Variants in GRIK2 observed in about 807,000 individuals in gnomAD.
GRIK2 encodes the protein glutamate receptor ionotropic, kainate 2.
GRIK2 carries 32 observed loss-of-function variants against 100.3 expected under a neutral mutation model. The observed-to-expected ratio is 0.32, with a 90% CI of 0.24 to 0.43. The LOEUF is 0.43. Among genes scored for constraint, GRIK2 ranks in the 20% least tolerant of loss-of-function variants. GRIK2 has a pLI of 1.00. For synonymous variants in GRIK2, 417 were observed against 389.4 expected, an observed-to-expected ratio of 1.07 and a Z score of -0.83; for missense variants, 843 against 1,114.9, an observed-to-expected ratio of 0.76 and a Z score of 3.47.
At chr6:101,675,081 A>G (rs1194097371) in intron 4 of GRIK2, among the ~76,000 whole-genome samples, 1 of 152,106 alleles carries the variant, frequency 6.6e-6, no homozygotes, top group African/African-American at 2.4e-5. Flanking sequence ...ATTGTTAACT[A>G]TAGTAATCCT....
chr6:102,065,401 G>A (rs1282807257), intron 16 of GRIK2, among the ~76,000 whole-genome samples: 1 of 151,222 alleles, frequency 6.6e-6, no homozygotes, highest in African/African-American at 2.4e-5. Context: ...TTTGTAGTCT[G>A]AAGTAAGTAT....
chr6:101,728,562 G>A (rs963632570), intron 7 of GRIK2, among the ~76,000 whole-genome samples: 1 of 151,956 alleles, frequency 6.6e-6, no homozygotes, highest in South Asian at 2.1e-4. Flanking sequence ...AAAACCAGAT[G>A]GTTTTAAATT....
At chr6:101,727,454 A>G (rs1774950116) in intron 7 of GRIK2, among the ~76,000 whole-genome samples, 1 of 152,100 alleles carries the variant, frequency 6.6e-6, no homozygotes, top group Non-Finnish European at 1.5e-5. Context: ...AAGTCTGCAA[A>G]GACTCCATGT....
At chr6:101,488,546 C>T (rs575799862) in intron 2 of GRIK2, among the ~76,000 whole-genome samples, 2 of 146,290 alleles carry the variant, frequency 1.4e-5, no homozygotes, top group East Asian at 1.9e-4. Flanking sequence ...GGAATTGTTC[C>T]AGTTAATATA....
Position 101,686,277 on chromosome 6 carries a change from T to C in GRIK2, c.875T>C (p.Ile292Thr), listed in dbSNP as rs1771693756. Residue 292 changes from isoleucine (I) to threonine (T), a missense_variant, in exon 7 of 17, where the codon ATC (isoleucine) becomes ACC (threonine). By Grantham distance (89) the Ile-to-Thr change is moderately conservative. Coordinates refer to ENST00000369134, the MANE Select transcript of GRIK2 (RefSeq NM_021956.5). The part of the protein sequence containing the change: ...LNTENTQVSS[I>T]IEKWSMERLQ... ...ACAGAAAATACCCAAGTCTCCTCCATCATTGAAAAGTGGTCGATGGAACGA... is the reference window on the plus strand; with the variant it reads ...ACAGAAAATACCCAAGTCTCCTCCACCATTGAAAAGTGGTCGATGGAACGA... The C allele has an allele frequency of 1.2e-6, 2 of 1,613,168 alleles. No homozygotes were observed. The highest frequency in any genetic ancestry group is 2.7e-5 in the African/African-American group (2 of 74,876).
intron 14 of GRIK2, among the ~76,000 whole-genome samples, chr6:102,001,660 G>T (rs946281708): frequency 6.6e-6 from 1 of 152,026 alleles, no homozygotes; most frequent in Non-Finnish European, 1.5e-5. Flanking sequence ...TTAAGTGGAA[G>T]TTGAAGTACT....
intron 11 of GRIK2, among the ~76,000 whole-genome samples, chr6:101,879,049 T>G (rs889524392): frequency 6.6e-6 from 1 of 152,054 alleles, no homozygotes; most frequent in African/African-American, 2.4e-5. Flanking sequence ...TACCACGTGG[T>G]GTGCTTTTAC....
In GRIK2 at chr6:101,832,276, T is replaced by C. The variant is rs371589967; in HGVS notation, c.1317+13793T>C. Among the ~76,000 whole-genome samples the C allele has an allele frequency of 7.9e-5, 12 of 152,264 alleles. No homozygotes were observed. The East Asian group carries it at 2.1e-3, about 27-fold the overall frequency. On this transcript the variant is annotated intron_variant, in intron 10 of 16. Coordinates refer to ENST00000369134, the MANE Select transcript of GRIK2 (RefSeq NM_021956.5). ...ACTCTTTTAAAAATTGTTTTACAGTTATAAGACTCACAATTTTAGTCACGC... is the reference window on the plus strand; with the variant it reads ...ACTCTTTTAAAAATTGTTTTACAGTCATAAGACTCACAATTTTAGTCACGC...
At chr6:101,629,086 A>G (rs905231427) in intron 4 of GRIK2, among the ~76,000 whole-genome samples, 1 of 152,070 alleles carries the variant, frequency 6.6e-6, no homozygotes, top group Non-Finnish European at 1.5e-5. Context: ...CATTGAGGCA[A>G]ATATAAATAG....
intron 7 of GRIK2, among the ~76,000 whole-genome samples, chr6:101,727,744 G>A (rs1440227026): frequency 6.6e-6 from 1 of 151,910 alleles, no homozygotes; most frequent in Admixed American, 6.6e-5. Context: ...GAGAAGAGGT[G>A]ATAATGTGAA....
intron 14 of GRIK2, among the ~76,000 whole-genome samples, chr6:102,011,528 T>C (rs1795530759): frequency 6.6e-6 from 1 of 151,686 alleles, no homozygotes; most frequent in South Asian, 2.1e-4. Context: ...GTTTTAAATT[T>C]TAACGAAGTC....
chr6:101,739,418 G>A (rs1448494868), intron 7 of GRIK2, among the ~76,000 whole-genome samples: 1 of 152,126 alleles, frequency 6.6e-6, no homozygotes, highest in African/African-American at 2.4e-5. Flanking sequence ...GGGAAATGCT[G>A]TGACACTGTG....
intron 12 of GRIK2, among the ~76,000 whole-genome samples, chr6:101,899,467 T>C (rs1787699670): frequency 6.6e-6 from 1 of 152,110 alleles, no homozygotes; most frequent in African/African-American, 2.4e-5. Flanking sequence ...TTTTTCTATT[T>C]TATTTAATGA....
intron 7 of GRIK2, among the ~76,000 whole-genome samples, chr6:101,779,606 C>A (rs183243161): frequency 1.6e-4 from 24 of 152,182 alleles, no homozygotes; most frequent in Non-Finnish European, 3.1e-4. Flanking sequence ...AGGCAGCCCA[C>A]ATTCCAGTTG....
intron 9 of GRIK2, among the ~76,000 whole-genome samples, chr6:101,813,543 A>G (rs925672171): frequency 2.0e-5 from 3 of 152,210 alleles, no homozygotes; most frequent in Non-Finnish European, 2.9e-5. Flanking sequence ...GTTAAGCACA[A>G]AAAAAGATAG....
At chr6:101,922,551 G>A (rs966724870) in intron 12 of GRIK2, among the ~76,000 whole-genome samples, 4 of 152,180 alleles carry the variant, frequency 2.6e-5, no homozygotes, top group Non-Finnish European at 4.4e-5. Flanking sequence ...TGAAGTCATA[G>A]CATCTAATAA....
chr6:102,015,686 CA>C (rs1052483443), intron 14 of GRIK2, among the ~76,000 whole-genome samples: 1 of 152,176 alleles, frequency 6.6e-6, no homozygotes, highest in African/African-American at 2.4e-5. Context: ...CTGGCACATG[CA>C]AATGAGTATG....
At position 101,608,136 on chromosome 6, in the gene GRIK2, G is replaced by A. The variant is rs1582816708; in HGVS notation, c.116-13813G>A. 2.6e-5 allele frequency among the ~76,000 whole-genome samples: 4 copies of A among 151,754 alleles called. No homozygotes were observed. In the East Asian group the frequency reaches 7.8e-4, roughly 29 times the overall value. The stretch of plus-strand genomic sequence containing the variant: ...AGAAAACTGAAGTATAAAAAATGAA[G>A]TGATTTGCCTAAGGCCACTCAGCAG... On this transcript the variant is annotated intron_variant, in intron 2 of 16. Coordinates refer to ENST00000369134, the MANE Select transcript of GRIK2 (RefSeq NM_021956.5).
Position 101,815,825 on chromosome 6 carries a change from C to T in GRIK2, c.1204-2545C>T, listed in dbSNP as rs114761685. On this transcript the variant is annotated intron_variant, in intron 9 of 16. Transcript: ENST00000369134. ...TAGGAATATCTAAAATTTTATTTGA[C>T]TTAAAATATTAAAGCCACTGATATT... is the stretch of plus-strand genomic sequence containing the variant. Among the ~76,000 whole-genome samples, 433 of 152,168 alleles carry T rather than the reference C, an allele frequency of 2.8e-3. 2 individuals carry two copies. Among genetic ancestry groups the T allele is most frequent in the African/African-American group, 0.01 (417 of 41,544 alleles).
Sources: gnomAD v4.1 joint callset for allele counts (sites outside exome capture counted in the v4.1 genomes callset) on GRCh38, gnomAD v4.1.1 for gene constraint, MANE v1.5 for transcripts, NCBI Gene and HGNC (gene_info 2026-07-23, HGNC 2026-07-21) for gene names.